Variants in HIPK2 observed in about 807,000 individuals in gnomAD.
HIPK2 encodes the protein homeodomain interacting protein kinase 2, also known as homeodomain-interacting protein kinase 2.
In HIPK2, 27 loss-of-function variants were observed where a neutral mutation model predicts 113.7. The observed-to-expected ratio is 0.24, with a 90% CI of 0.17 to 0.33. The LOEUF is 0.33. Among genes scored for constraint, HIPK2 ranks in the 10% least tolerant of loss-of-function variants. The pLI is 1.00. For missense variants in HIPK2, 1,257 were observed against 1,588.0 expected, an observed-to-expected ratio of 0.79 and a Z score of 3.54; for synonymous variants, 631 against 642.2, an observed-to-expected ratio of 0.98 and a Z score of 0.26.
intron 10 of HIPK2, 148 bp downstream of exon 10, chr7:139,603,933 T>G (rs1799526113): frequency 2.0e-6 from 2 of 991,824 alleles, no homozygotes; most frequent in Non-Finnish European, 3.0e-6. Flanking sequence ...CCTGCACTCA[T>G]AGTCCACACA....
At chr7:139,617,358 G>A (rs1323146642) in intron 7 of HIPK2, among the ~76,000 whole-genome samples, 1 of 152,212 alleles carries the variant, frequency 6.6e-6, no homozygotes, top group Non-Finnish European at 1.5e-5. Flanking sequence ...GCACCACTGT[G>A]CCTAGTGAAA....
chr7:139,747,703 C>T (rs1036521593), intron 1 of HIPK2, among the ~76,000 whole-genome samples: 8 of 152,254 alleles, frequency 5.3e-5, no homozygotes, highest in Admixed American at 1.3e-4. Flanking sequence ...GGTGACCCAT[C>T]AGCCCCAGCC....
intron 9 of HIPK2, among the ~76,000 whole-genome samples, chr7:139,608,389 G>A (rs768854559): frequency 7.4e-5 from 11 of 147,968 alleles, no homozygotes; most frequent in Non-Finnish European, 1.2e-4. Flanking sequence ...CATATATAAT[G>A]TAACTATATA....
intron 1 of HIPK2, among the ~76,000 whole-genome samples, chr7:139,766,339 G>A (rs1253158838): frequency 3.9e-5 from 6 of 152,214 alleles, no homozygotes; most frequent in African/African-American, 1.2e-4. Flanking sequence ...AGAGGTCTCA[G>A]TAAGAGTATT....
chr7:139,741,845 C>G (rs1035236671), intron 1 of HIPK2, among the ~76,000 whole-genome samples: 1 of 152,172 alleles, frequency 6.6e-6, no homozygotes, highest in Non-Finnish European at 1.5e-5. Context: ...TGGCACAGAA[C>G]CTGGTATGAT....
At chr7:139,666,184 A>G (rs1802044039) in intron 2 of HIPK2, among the ~76,000 whole-genome samples, 2 of 152,176 alleles carry the variant, frequency 1.3e-5, no homozygotes, top group South Asian at 4.1e-4. Flanking sequence ...CTGAAGAGCA[A>G]TGTTTTCCCT....
chr7:139,600,429 T>C lies in HIPK2; in HGVS notation c.2423A>G (p.Gln808Arg), dbSNP rs755087607. 2 of 1,613,388 alleles carry C rather than the reference T, an allele frequency of 1.2e-6. No individual in the cohort carries two copies. The highest frequency in any genetic ancestry group is 1.7e-6 in the Non-Finnish European group (2 of 1,179,818). Reference sequence around the variant, plus strand: ...TCTCACCACCTACCTCACAGATGACTGGTGCTGCTTACTCTTCCGGGAGGA... The same window carrying C: ...TCTCACCACCTACCTCACAGATGACCGGTGCTGCTTACTCTTCCGGGAGGA... ...TTSSRKSKQHQSSVRNVSTCE... is the reference protein window; with the variant it reads ...TTSSRKSKQHRSSVRNVSTCE... The change falls in exon 11 of 15, where the codon CAG becomes CGG. Residue 808 changes from glutamine to arginine, a missense_variant. Gln to Arg is a conservative substitution (Grantham distance 43). Coordinates refer to ENST00000406875, the MANE Select transcript of HIPK2 (RefSeq NM_022740.5).
At chr7:139,574,073 G>A (rs572345415) in intron 14 of HIPK2, among the ~76,000 whole-genome samples, 8 of 152,238 alleles carry the variant, frequency 5.3e-5, no homozygotes, top group African/African-American at 1.2e-4. Context: ...TGATCCCCCC[G>A]CCTTGGGCTC....
intron 1 of HIPK2, among the ~76,000 whole-genome samples, chr7:139,734,687 T>G (rs560763069): frequency 2.5e-4 from 38 of 152,310 alleles, no homozygotes; most frequent in African/African-American, 7.5e-4. Context: ...ATCACTGAAG[T>G]CAGCAATGGT....
chr7:139,648,521 CAG>C (rs1569463885), intron 2 of HIPK2, among the ~76,000 whole-genome samples: 1 of 152,202 alleles, frequency 6.6e-6, no homozygotes, highest in African/African-American at 2.4e-5. Context: ...ATACGGCACA[CAG>C]TCCCCAGCCT....
chr7:139,635,837 G>C (rs531120496), intron 2 of HIPK2, among the ~76,000 whole-genome samples: 1 of 152,302 alleles, frequency 6.6e-6, no homozygotes, highest in African/African-American at 2.4e-5. Flanking sequence ...TCCCACGTTA[G>C]AAAACAAAGC....
At chr7:139,686,459 C>T (rs1367417917) in intron 2 of HIPK2, among the ~76,000 whole-genome samples, 1 of 152,208 alleles carries the variant, frequency 6.6e-6, no homozygotes, top group Non-Finnish European at 1.5e-5. Flanking sequence ...TTCCCATCAT[C>T]CCCAAGTGTT....
chr7:139,771,218 G>A (rs1040613384), intron 1 of HIPK2, among the ~76,000 whole-genome samples: 15 of 152,108 alleles, frequency 9.9e-5, no homozygotes, highest in African/African-American at 3.6e-4. Context: ...AGGATGACCT[G>A]ACACTGCTCT....
At chr7:139,645,102 C>A (rs940831223) in intron 2 of HIPK2, among the ~76,000 whole-genome samples, 1 of 152,218 alleles carries the variant, frequency 6.6e-6, no homozygotes, top group Non-Finnish European at 1.5e-5. Flanking sequence ...AAACACGATG[C>A]TTTCCTTTCC....
intron 2 of HIPK2, among the ~76,000 whole-genome samples, chr7:139,665,574 C>A (rs1802020283): frequency 6.6e-6 from 1 of 150,910 alleles, no homozygotes; most frequent in Non-Finnish European, 1.5e-5. Flanking sequence ...ATCCATCCAT[C>A]CATCCATCCA....
chr7:139,735,641 C>T (rs1407128204), intron 1 of HIPK2, among the ~76,000 whole-genome samples: 1 of 152,134 alleles, frequency 6.6e-6, no homozygotes, highest in African/African-American at 2.4e-5. Context: ...GATAACTGAC[C>T]ACAGAAGGAA....
chr7:139,653,564 G>C (rs1801541898), intron 2 of HIPK2, among the ~76,000 whole-genome samples: 1 of 151,658 alleles, frequency 6.6e-6, no homozygotes, highest in South Asian at 2.1e-4. Context: ...AGTGAGCAAA[G>C]GAAATCAGCT....
intron 1 of HIPK2, among the ~76,000 whole-genome samples, chr7:139,718,095 A>G (rs897657004): frequency 6.6e-6 from 1 of 152,226 alleles, no homozygotes. Flanking sequence ...AGATAAACTT[A>G]GAAACCTATG....
In HIPK2 at chr7:139,716,217, G is replaced by T; in HGVS notation, c.818C>A (p.Thr273Lys). The change falls in exon 2 of 15, where the codon ACG (threonine) becomes AAG (lysine). Residue 273 changes from threonine to lysine, a missense_variant. By Grantham distance (78) the Thr-to-Lys change is moderately conservative. Around this residue, in one of 5 missense-constraint regions of HIPK2, gnomAD observed 78 missense variants for 145.7 expected, o/e 0.54. Transcript: ENST00000406875. This position sits in a 1 kb window ranked among gnomAD's most constrained non-coding sequence, Gnocchi z 9.3. ...CTCCAACATCTCGAAGACCAAGCACGTGTGGTTCTTGTGCTGGAAGCATTC... is the reference window on the plus strand; with the variant it reads ...CTCCAACATCTCGAAGACCAAGCACTTGTGGTTCTTGTGCTGGAAGCATTC... ...AYECFQHKNH[T>K]CLVFEMLEQN... The T allele has an allele frequency of 1.2e-6, 2 of 1,614,032 alleles. No individual in the cohort carries two copies. The highest frequency in any genetic ancestry group is 1.7e-6 in the Non-Finnish European group (2 of 1,179,896).
Sources: allele counts gnomAD v4.1 joint callset (sites outside exome capture counted in the v4.1 genomes callset), GRCh38; gene constraint gnomAD v4.1.1; regional missense constraint gnomAD v4.1.1; non-coding constraint Gnocchi (gnomAD v3.1); transcripts MANE v1.5; gene names NCBI Gene and HGNC (gene_info 2026-07-23, HGNC 2026-07-21).